ARHGAP15: variants seen among roughly 807,000 people sequenced by gnomAD.
ARHGAP15 encodes rho GTPase-activating protein 15.
In ARHGAP15, 51 loss-of-function variants were observed where a neutral mutation model predicts 63.7. That is an observed-to-expected ratio of 0.80 (90% CI 0.64 to 1.01). ARHGAP15 has a LOEUF of 1.01. Ranked by LOEUF, ARHGAP15 falls within the 50% of genes least tolerant of loss-of-function variation. The pLI, the probability that ARHGAP15 is intolerant of heterozygous loss-of-function variation, is 0.00. For synonymous variants in ARHGAP15, 191 were observed against 193.8 expected (o/e 0.99, Z 0.12); for missense variants, 560 against 564.6 (o/e 0.99, Z 0.08).
intron 6 of ARHGAP15, among the ~76,000 whole-genome samples, chr2:143,414,729 T>A (rs1388390351): frequency 6.6e-6 from 1 of 152,030 alleles, no homozygotes; most frequent in African/African-American, 2.4e-5. Context: ...AGGTCAGGAG[T>A]TTGAGACCAG....
chr2:143,680,575 G>C (rs1683054706), intron 12 of ARHGAP15, among the ~76,000 whole-genome samples: 1 of 152,210 alleles, frequency 6.6e-6, no homozygotes, highest in Admixed American at 6.5e-5. Flanking sequence ...TTTACATGTA[G>C]AATTGGTTCT....
intron 8 of ARHGAP15, among the ~76,000 whole-genome samples, chr2:143,460,331 A>G (rs959710430): frequency 9.9e-5 from 15 of 152,208 alleles, no homozygotes; most frequent in African/African-American, 2.9e-4. Context: ...TTTTTTCCCC[A>G]CACTTCACCA....
chr2:143,376,434 G>A (rs1237350757), intron 6 of ARHGAP15, among the ~76,000 whole-genome samples: 1 of 152,104 alleles, frequency 6.6e-6, no homozygotes, highest in African/African-American at 2.4e-5. Context: ...TACTCTGTCT[G>A]GCTTGCGTAA....
chr2:143,502,862 G>A (rs914831824), intron 9 of ARHGAP15, among the ~76,000 whole-genome samples: 2 of 152,310 alleles, frequency 1.3e-5, no homozygotes. Context: ...TTACAGGTGT[G>A]AGCCACTGTG....
intron 6 of ARHGAP15, among the ~76,000 whole-genome samples, chr2:143,335,841 G>C (rs1389781078): frequency 6.6e-6 from 1 of 152,084 alleles, no homozygotes; most frequent in African/African-American, 2.4e-5. Flanking sequence ...AGGACTTGAA[G>C]GGATTATTCA....
At chr2:143,375,990 AAAAC>A (rs1239560889) in intron 6 of ARHGAP15, among the ~76,000 whole-genome samples, 3 of 152,252 alleles carry the variant, frequency 2.0e-5, no homozygotes, top group African/African-American at 4.8e-5. Context: ...TGCAAAGAGA[AAAAC>A]AAACAAATAC....
intron 6 of ARHGAP15, among the ~76,000 whole-genome samples, chr2:143,400,612 A>G (rs1407659058): frequency 6.6e-6 from 1 of 151,990 alleles, no homozygotes; most frequent in Non-Finnish European, 1.5e-5. Context: ...CCTATACTAG[A>G]TATACAGATA....
intron 13 of ARHGAP15, among the ~76,000 whole-genome samples, chr2:143,724,290 A>G (rs1177495396): frequency 6.6e-6 from 1 of 152,106 alleles, no homozygotes; most frequent in Non-Finnish European, 1.5e-5. Flanking sequence ...AGCTTCTCTG[A>G]GTGTCAGTTT....
chr2:143,543,660 A>T (rs1416508513), intron 10 of ARHGAP15, among the ~76,000 whole-genome samples: 9 of 151,800 alleles, frequency 5.9e-5, no homozygotes, highest in Non-Finnish European at 1.0e-4. Flanking sequence ...TATATATATA[A>T]ATATGTATGT....
intron 8 of ARHGAP15, among the ~76,000 whole-genome samples, chr2:143,469,965 TTCTCTC>T (rs111883290): frequency 1.3e-5 from 2 of 151,134 alleles, no homozygotes; most frequent in African/African-American, 4.9e-5. Context: ...CTCTTTTTTT[TTCTCTC>T]TCTCTCTCTC....
At chr2:143,760,888 G>T (rs1686739007) in intron 13 of ARHGAP15, among the ~76,000 whole-genome samples, 1 of 152,056 alleles carries the variant, frequency 6.6e-6, no homozygotes, top group African/African-American at 2.4e-5. Context: ...ATTTGTTTAA[G>T]CTAATGGATA....
Position 143,753,409 on chromosome 2 carries a change from G to C in ARHGAP15, c.1245-14580G>C, listed in dbSNP as rs201254047. 5.9e-5 allele frequency among the ~76,000 whole-genome samples: 9 copies of C among 152,234 alleles called. No homozygotes were observed. In the East Asian group the frequency reaches 1.5e-3, roughly 26 times the overall value. On this transcript the variant is annotated intron_variant, in intron 13 of 13. Transcript: ENST00000295095. ...CTTCTGTTATAAAGCTTAATATAAT[G>C]CTTGATAGTGGTCCCTAAAAGATGA...
At chr2:143,685,473 T>C (rs761585966) in intron 12 of ARHGAP15, among the ~76,000 whole-genome samples, 1 of 152,168 alleles carries the variant, frequency 6.6e-6, no homozygotes, top group South Asian at 2.1e-4. Context: ...TTACCTATGA[T>C]AGAGGGCAGG....
intron 8 of ARHGAP15, among the ~76,000 whole-genome samples, chr2:143,452,410 A>G (rs1690446805): frequency 1.3e-5 from 2 of 151,936 alleles, no homozygotes; most frequent in Admixed American, 6.6e-5. Flanking sequence ...CATTTAAATT[A>G]TGGCCCTCCA....
At chr2:143,445,291 G>C (rs751003936) in intron 8 of ARHGAP15, among the ~76,000 whole-genome samples, 34 of 147,994 alleles carry the variant, frequency 2.3e-4, no homozygotes, top group Non-Finnish European at 4.7e-4. Context: ...CTCCCTAGTA[G>C]CTGGGACTAC....
chr2:143,684,763 C>A (rs1023068001), intron 12 of ARHGAP15, among the ~76,000 whole-genome samples: 17 of 152,140 alleles, frequency 1.1e-4, no homozygotes, highest in Admixed American at 2.6e-4. Context: ...ATAGAGAAAT[C>A]TCTGAAAGCA....
intron 12 of ARHGAP15, among the ~76,000 whole-genome samples, chr2:143,675,926 T>C (rs991001522): frequency 6.6e-6 from 1 of 152,236 alleles, no homozygotes. Flanking sequence ...GAGTTCTCAA[T>C]AGTATCTTCT....
chr2:143,507,877 C>A (rs1355915853), intron 9 of ARHGAP15, among the ~76,000 whole-genome samples: 1 of 152,098 alleles, frequency 6.6e-6, no homozygotes, highest in Non-Finnish European at 1.5e-5. Context: ...TTGATTACTT[C>A]CATTGGATTC....
At chr2:143,640,214 G>C (rs775768291) in intron 12 of ARHGAP15, among the ~76,000 whole-genome samples, 2 of 152,064 alleles carry the variant, frequency 1.3e-5, no homozygotes. Flanking sequence ...GTGCTTTGTG[G>C]TGGTTGTTTC....
Sources: allele counts gnomAD v4.1 joint callset (sites outside exome capture counted in the v4.1 genomes callset), GRCh38; gene constraint gnomAD v4.1.1; transcripts MANE v1.5; gene names NCBI Gene and HGNC (gene_info 2026-07-23, HGNC 2026-07-21).